The following TIAM1 variants were observed in gnomAD, a reference collection of about 807,000 sequenced individuals.
The protein encoded by TIAM1 is TIAM Rac1 associated GEF 1.
A neutral mutation model predicts 163.5 loss-of-function variants in TIAM1; 65 were observed. The ratio of observed to expected loss-of-function variants is 0.40; its 90% CI spans 0.33 to 0.49. The LOEUF is 0.49. Among genes scored for constraint, TIAM1 ranks in the 20% least tolerant of loss-of-function variants. TIAM1 has a pLI of 0.77. For missense variants in TIAM1, 1,789 were observed against 2,044.7 expected (o/e 0.87, Z 2.41); for synonymous variants, 833 against 810.1 (o/e 1.03, Z -0.48).
In TIAM1 at chr21:31,243,209, A is replaced by AAATATAT. The variant is rs59419171; in HGVS notation, c.1584+2278_1584+2279insATATATT. Among the ~76,000 whole-genome samples, 39 of 117,274 alleles carry AAATATAT rather than the reference A, an allele frequency of 3.3e-4. 1 individual carries two copies. Among genetic ancestry groups the AAATATAT allele is most frequent in the African/African-American group, 1.3e-3 (36 of 26,834 alleles). The allele number at this position is 117,274 out of a possible 152,430, so 76.9% of individuals were successfully genotyped here. On this transcript the variant is annotated intron_variant, in intron 6 of 27. Coordinates refer to ENST00000541036, the MANE Select transcript of TIAM1 (RefSeq NM_001353694.2). The stretch of plus-strand genomic sequence containing the variant: ...CTTCATCTCAAAAAAAAAAAAAAAA[A>AAATATAT]ATATATATATATATATGTATATTTC...
chr21:31,190,793 C>A (rs568295972), intron 13 of TIAM1, among the ~76,000 whole-genome samples: 28 of 152,230 alleles, frequency 1.8e-4, no homozygotes, highest in African/African-American at 6.7e-4. Context: ...AGTAAATGTT[C>A]CCGCTTTAAG....
intron 4 of TIAM1, among the ~76,000 whole-genome samples, chr21:31,262,257 A>T (rs956114587): frequency 7.2e-5 from 11 of 152,236 alleles, no homozygotes; most frequent in African/African-American, 2.4e-4. Flanking sequence ...AAGTCAAATA[A>T]CCAAGAGGTA....
intron 3 of TIAM1, among the ~76,000 whole-genome samples, chr21:31,271,974 GC>G (rs552279465): frequency 1.2e-3 from 183 of 152,222 alleles, no homozygotes; most frequent in African/African-American, 4.3e-3. Flanking sequence ...CAAATTAAAT[GC>G]AGATGCTCCT....
rs544446099 is a variant in TIAM1, at chr21:31,485,034, T to C, written c.-421-20999A>G. On this transcript the variant is annotated intron_variant, in intron 1 of 28. Coordinates refer to the TIAM1 transcript ENST00000286827. ...CACCAAATCTGCCAGTGCCTTGATC[T>C]TGGACTTTCCAGCCTCCAGAACCGT... 2.6e-5 allele frequency among the ~76,000 whole-genome samples: 4 copies of C among 152,354 alleles called. No homozygotes were observed. The South Asian group carries it at 6.2e-4, about 24-fold the overall frequency.
At chr21:31,539,554 C>T (rs1433878563) in intron 1 of TIAM1, among the ~76,000 whole-genome samples, 4 of 152,002 alleles carry the variant, frequency 2.6e-5, no homozygotes, top group Admixed American at 6.6e-5. Context: ...CGTGAGCCAC[C>T]GCGCCCGGCC....
intron 1 of TIAM1, among the ~76,000 whole-genome samples, chr21:31,479,000 G>A (rs1241289251): frequency 6.6e-6 from 1 of 152,204 alleles, no homozygotes; most frequent in African/African-American, 2.4e-5. Context: ...GGAAAAGAAT[G>A]TGATTTCTAC....
At position 31,416,605 on chromosome 21, in the gene TIAM1, G is replaced by A. The variant is rs552272487; in HGVS notation, c.-369+47378C>T. 4.1e-4 allele frequency among the ~76,000 whole-genome samples: 62 copies of A among 152,244 alleles called. No individual in the cohort carries two copies. The South Asian group carries it at 5.2e-3, about 13-fold the overall frequency. ...TTCCATTCCTGAGTTACTTCACCTA[G>A]AATAATGGCCTCCAGCTCCATCCAA... On this transcript the variant is annotated intron_variant, in intron 2 of 28. Transcript: ENST00000286827.
chr21:31,139,753 T>C (rs981280194), intron 22 of TIAM1, among the ~76,000 whole-genome samples: 1 of 152,250 alleles, frequency 6.6e-6, no homozygotes, highest in African/African-American at 2.4e-5. Context: ...TGTAATGTTA[T>C]GTAAAAACAA....
chr21:31,416,807 G>A (rs951160020), intron 2 of TIAM1, among the ~76,000 whole-genome samples: 2 of 152,162 alleles, frequency 1.3e-5, no homozygotes, highest in Non-Finnish European at 2.9e-5. Context: ...ACATATTAAG[G>A]GGGACTCCTT....
intron 2 of TIAM1, among the ~76,000 whole-genome samples, chr21:31,438,200 TTTTTTTTTTGA>T (rs2044284514): frequency 7.8e-6 from 1 of 127,920 alleles, no homozygotes; most frequent in East Asian, 2.4e-4. Context: ...TTTTTTTTTT[TTTTTTTTTTGA>T]GACAGAGTCT....
chr21:31,204,113 GA>G (rs10712019), intron 11 of TIAM1, among the ~76,000 whole-genome samples: 33,421 of 151,944 alleles, frequency 0.22, 6,003 homozygotes, highest in African/African-American at 0.47. Flanking sequence ...AGGATACAGG[GA>G]AAAAAAGAAA....
intron 9 of TIAM1, among the ~76,000 whole-genome samples, chr21:31,215,889 G>A (rs1192661397): frequency 2.6e-5 from 4 of 152,042 alleles, no homozygotes; most frequent in Admixed American, 2.6e-4. Context: ...AGCCAGGCAC[G>A]GTGGCCCACG....
intron 15 of TIAM1, among the ~76,000 whole-genome samples, chr21:31,175,241 T>G (rs757598729): frequency 1.3e-5 from 2 of 152,112 alleles, no homozygotes; most frequent in African/African-American, 2.4e-5. Flanking sequence ...CAACGAACGC[T>G]TGGCCTCTGG....
At chr21:31,547,705 T>C (rs980097256) in intron 1 of TIAM1, among the ~76,000 whole-genome samples, 1 of 152,254 alleles carries the variant, frequency 6.6e-6, no homozygotes, top group Non-Finnish European at 1.5e-5. Flanking sequence ...CATTCACACA[T>C]CTTTTCTAAA....
intron 1 of TIAM1, among the ~76,000 whole-genome samples, chr21:31,532,272 A>T (rs1416302234): frequency 1.3e-5 from 2 of 152,142 alleles, no homozygotes; most frequent in Non-Finnish European, 2.9e-5. Context: ...GGTCCAACTA[A>T]AACTAGGCAC....
chr21:31,303,834 C>T (rs1202066997), intron 2 of TIAM1, among the ~76,000 whole-genome samples: 1 of 152,120 alleles, frequency 6.6e-6, no homozygotes, highest in East Asian at 1.9e-4. Flanking sequence ...AAAAATTAGC[C>T]AGGCGTAGCG....
At chr21:31,489,768 C>G (rs12627365) in intron 1 of TIAM1, among the ~76,000 whole-genome samples, 152,187 of 152,188 alleles carry the variant, frequency 1, 76,093 homozygotes, top group Non-Finnish European at 1. Flanking sequence ...GGCAGACAGT[C>G]CCCAGAGGGA....
rs181982577 is a variant in TIAM1 at position 31,553,535 on chromosome 21, T to C, written c.-422+5392A>G. Among the ~76,000 whole-genome samples, 532 of 152,256 alleles carry C rather than the reference T, an allele frequency of 3.5e-3. 4 individuals are homozygous for C. The highest frequency in any genetic ancestry group is 0.012 in the African/African-American group (508 of 41,556). Reference sequence around the variant, plus strand: ...CAAAGAGTGAGTGGGAACGAGCTCATGAGACCCTCCTGGACTTTCCTGCAA... The same window carrying C: ...CAAAGAGTGAGTGGGAACGAGCTCACGAGACCCTCCTGGACTTTCCTGCAA... On this transcript the variant is annotated intron_variant, in intron 1 of 28. Coordinates refer to the TIAM1 transcript ENST00000286827.
chr21:31,238,977 C>T (rs1160375616), intron 6 of TIAM1, among the ~76,000 whole-genome samples: 1 of 152,144 alleles, frequency 6.6e-6, no homozygotes, highest in African/African-American at 2.4e-5. Flanking sequence ...ATGTGACTCA[C>T]ATTAAGATGG....
Sources: allele counts gnomAD v4.1 joint callset (sites outside exome capture counted in the v4.1 genomes callset), GRCh38; gene constraint gnomAD v4.1.1; transcripts MANE v1.5; gene names NCBI Gene and HGNC (gene_info 2026-07-23, HGNC 2026-07-21).